Variants in SUDS3 observed in about 807,000 individuals in gnomAD.
SUDS3 encodes SIN3A corepressor complex component SDS3.
A neutral mutation model predicts 53.5 loss-of-function variants in SUDS3; 23 were observed. That is an observed-to-expected ratio of 0.43 (90% CI 0.31 to 0.61). The LOEUF (loss-of-function observed/expected upper bound fraction) is 0.61, where lower values mean the gene tolerates loss of function less well. SUDS3 is among the 20% of genes least tolerant of loss of function. SUDS3 has a pLI of 0.10. For synonymous variants in SUDS3, 150 were observed against 148.5 expected, an observed-to-expected ratio of 1.01 and a Z score of -0.08; for missense variants, 291 against 405.9, an observed-to-expected ratio of 0.72 and a Z score of 2.43.
chr12:118,377,912 G>A (rs1212551015), intron 1 of SUDS3, among the ~76,000 whole-genome samples: 3 of 152,214 alleles, frequency 2.0e-5, no homozygotes, highest in African/African-American at 7.2e-5. Context: ...CTTGACTGAA[G>A]GAGGGGAGAA....
At chr12:118,406,972 C>T (rs1369227739) in intron 10 of SUDS3, among the ~76,000 whole-genome samples, 3 of 151,512 alleles carry the variant, frequency 2.0e-5, no homozygotes, top group African/African-American at 7.3e-5. Context: ...TCATAGCTCA[C>T]TGGAGCCTTG....
intron 10 of SUDS3, among the ~76,000 whole-genome samples, chr12:118,407,159 C>CA (rs2046315661): frequency 6.6e-6 from 1 of 152,098 alleles, no homozygotes; most frequent in South Asian, 2.1e-4. Context: ...CTCAGCCTCC[C>CA]AAAGTGCTGG....
At position 118,417,359 on chromosome 12, in the gene SUDS3, CTG is replaced by C. The variant is rs2046410298; in HGVS notation, c.*2928_*2929del. On this transcript the variant is annotated 3_prime_UTR_variant, in exon 12 of 12. Coordinates refer to ENST00000543473, the MANE Select transcript of SUDS3 (RefSeq NM_022491.3). ...AATATGGGGTTTAGAATGGGGTTGACTGTATTTTTTAACCTAATTCTGGAGAG... is the reference window on the plus strand; with the variant it reads ...AATATGGGGTTTAGAATGGGGTTGACTATTTTTTAACCTAATTCTGGAGAG... 6.6e-6 allele frequency: 1 copy of C among 152,098 alleles called. No homozygotes were observed. The highest frequency in any genetic ancestry group is 2.4e-5 in the African/African-American group (1 of 41,426). The allele number at this position is 152,098 out of a possible 1,614,324, so 9.4% of individuals were successfully genotyped here.
In SUDS3 at chr12:118,415,281, GTAATCTTT is replaced by G. The variant is rs1453889360; in HGVS notation, c.*851_*858del. 6.6e-6 allele frequency: 1 copy of G among 152,168 alleles called. No individual in the cohort carries two copies. The highest frequency in any genetic ancestry group is 2.4e-5 in the African/African-American group (1 of 41,430). 9.4% of individuals were successfully genotyped at this position (152,168 alleles called of 1,614,324 possible). The stretch of plus-strand genomic sequence containing the variant: ...TATGTGCCACAGGCTGATTATCTGG[GTAATCTTT>G]TACGGGTGGGAGGTGAGATTGATAG... On this transcript the variant is annotated 3_prime_UTR_variant, in exon 12 of 12. Transcript: ENST00000543473.
intron 10 of SUDS3, among the ~76,000 whole-genome samples, chr12:118,409,404 C>T (rs1308358931): frequency 6.6e-6 from 1 of 152,206 alleles, no homozygotes; most frequent in Admixed American, 6.5e-5. Flanking sequence ...CTTGGCCTCC[C>T]AAAGTGCTGG....
chr12:118,382,364 GTAGCCACTTTTTTTTGAGACA>G (rs2046073962), intron 2 of SUDS3, among the ~76,000 whole-genome samples: 3 of 79,344 alleles, frequency 3.8e-5, no homozygotes, highest in African/African-American at 2.0e-4. Context: ...TTTTGAGACA[GTAGCCACTTTTTTTTGAGACA>G]GTATCTTGTT....
chr12:118,381,212 T>C (rs1593750628), intron 2 of SUDS3, among the ~76,000 whole-genome samples: 1 of 115,912 alleles, frequency 8.6e-6, no homozygotes, highest in African/African-American at 2.7e-5. Flanking sequence ...ATTTGTTTAA[T>C]TTTTTTTTTT....
intron 1 of SUDS3, among the ~76,000 whole-genome samples, chr12:118,378,675 T>C (rs559088448): frequency 1.3e-5 from 2 of 151,944 alleles, no homozygotes; most frequent in African/African-American, 4.8e-5. Flanking sequence ...TGTTGTTTTG[T>C]TTATTTTATT....
At position 118,376,606 on chromosome 12, in the gene SUDS3, C is replaced by G. The variant is rs911972170; in HGVS notation, c.-86C>G. ...TGCCGGTCCTCGAGTTGGGGGCTGC[C>G]GCGGACACTGCTAGGCAGACGGCGA... On this transcript the variant is annotated 5_prime_UTR_variant, in exon 1 of 12. Coordinates refer to ENST00000543473, the MANE Select transcript of SUDS3 (RefSeq NM_022491.3). The G allele has an allele frequency of 5.5e-6, 7 of 1,272,124 alleles. No homozygotes were observed. The highest frequency in any genetic ancestry group is 6.9e-6 in the Non-Finnish European group (7 of 1,008,672). 78.8% of individuals were successfully genotyped at this position (1,272,124 alleles called of 1,614,324 possible).
At chr12:118,401,708 T>G in intron 7 of SUDS3, 51 bp from the exon 8 acceptor site, 1 of 1,461,456 alleles carries the variant, frequency 6.8e-7, no homozygotes, top group Non-Finnish European at 9.6e-7. Context: ...TGTTGATTAC[T>G]CTTTGCCTGG....
Position 118,411,149 on chromosome 12 carries a change from G to A in SUDS3, c.880G>A (p.Ala294Thr). 4 of 1,592,426 alleles carry A rather than the reference G, an allele frequency of 2.5e-6. No individual in the cohort carries two copies. Among genetic ancestry groups the A allele is most frequent in the Non-Finnish European group, 3.4e-6 (4 of 1,169,210 alleles). Residue 294 changes from alanine to threonine, a missense_variant, in exon 11 of 12, where the codon GCC becomes ACC. Physicochemically the swap from Ala to Thr is moderately conservative, Grantham distance 58 (BLOSUM62 0). Around this residue, in one of 4 missense-constraint regions of SUDS3, gnomAD observed 77 missense variants for 87.1 expected, o/e 0.88. Coordinates refer to ENST00000543473, the MANE Select transcript of SUDS3 (RefSeq NM_022491.3). ...KLSCVISSVG[A>T]NEIWVRKTSD... ...GAGCTGCGTGATCAGTTCTGTAGGA[G>A]CCAATGAGGTGGGAACCACACTCCC...
chr12:118,387,655 G>A (rs2046127323), intron 4 of SUDS3, among the ~76,000 whole-genome samples: 1 of 151,848 alleles, frequency 6.6e-6, no homozygotes, highest in Non-Finnish European at 1.5e-5. Context: ...GGGTTCAAGC[G>A]ATTCTCATGC....
At chr12:118,376,939 T>C in intron 1 of SUDS3, 106 bp downstream of exon 1, 1 of 1,314,008 alleles carries the variant, frequency 7.6e-7, no homozygotes, top group Non-Finnish European at 9.8e-7. Flanking sequence ...GGCCTGGGGC[T>C]GCGTGGAGGG....
At chr12:118,377,593 C>T (rs1040913996) in intron 1 of SUDS3, among the ~76,000 whole-genome samples, 2 of 149,442 alleles carry the variant, frequency 1.3e-5, no homozygotes, top group East Asian at 4.0e-4. Context: ...TTCAGTCCCA[C>T]GCTCTTTGCA....
chr12:118,377,554 T>G (rs2046011933), intron 1 of SUDS3, among the ~76,000 whole-genome samples: 1 of 120,930 alleles, frequency 8.3e-6, no homozygotes, highest in Admixed American at 1.1e-4. Context: ...GAGGGAGAGA[T>G]TTGCTTAATG....
Position 118,388,667 on chromosome 12 carries a change from AG to A in SUDS3, c.341-1255del, listed in dbSNP as rs148512997. Among the ~76,000 whole-genome samples, 1,120 of 152,230 alleles carry A rather than the reference AG, an allele frequency of 7.4e-3. 17 individuals are homozygous for A. The highest frequency in any genetic ancestry group is 0.026 in the African/African-American group (1,062 of 41,544). ...AAGAGTCAGCAGGAAAGGCCTCAGG[AG>A]GGGGCTGCATTCAGTCAGGAACTTG... On this transcript the variant is annotated intron_variant, in intron 4 of 11. Transcript: ENST00000543473.
chr12:118,388,060 T>C (rs913119490), intron 4 of SUDS3, among the ~76,000 whole-genome samples: 6 of 152,238 alleles, frequency 3.9e-5, no homozygotes, highest in Non-Finnish European at 8.8e-5. Context: ...TTTCTCGGAA[T>C]GGCACAGGAC....
chr12:118,417,371 A>G lies in SUDS3; in HGVS notation c.*2938A>G, dbSNP rs907898487. 4 of 152,024 alleles carry G rather than the reference A, an allele frequency of 2.6e-5. No homozygotes were observed. Among genetic ancestry groups the G allele is most frequent in the African/African-American group, 7.2e-5 (3 of 41,392 alleles). The allele number at this position is 152,024 out of a possible 1,614,324, so 9.4% of individuals were successfully genotyped here. ...AGAATGGGGTTGACTGTATTTTTTA[A>G]CCTAATTCTGGAGAGAAGATTGTAT... On this transcript the variant is annotated 3_prime_UTR_variant, in exon 12 of 12. Coordinates refer to ENST00000543473, the MANE Select transcript of SUDS3 (RefSeq NM_022491.3).
At chr12:118,407,281 G>A (rs1385482531) in intron 10 of SUDS3, among the ~76,000 whole-genome samples, 1 of 152,118 alleles carries the variant, frequency 6.6e-6, no homozygotes, top group Non-Finnish European at 1.5e-5. Context: ...CCAAGACATC[G>A]TGTAGTGCAT....
Sources: allele counts gnomAD v4.1 joint callset (sites outside exome capture counted in the v4.1 genomes callset), GRCh38; gene constraint gnomAD v4.1.1; regional missense constraint gnomAD v4.1.1; transcripts MANE v1.5; gene names NCBI Gene and HGNC (gene_info 2026-07-23, HGNC 2026-07-21).